The following LYPD6 variants were observed in gnomAD, a reference collection of about 807,000 sequenced individuals.
LYPD6 encodes the protein ly6/PLAUR domain-containing protein 6.
A neutral mutation model predicts 22.7 loss-of-function variants in LYPD6; 15 were observed. The observed-to-expected ratio is 0.66, with a 90% CI of 0.44 to 1.02. The LOEUF (loss-of-function observed/expected upper bound fraction) is 1.02, where lower values mean the gene tolerates loss of function less well. Ranked by LOEUF, LYPD6 falls within the 50% of genes least tolerant of loss-of-function variation. LYPD6 has a pLI of 0.00. For missense variants in LYPD6, 189 were observed against 208.4 expected (o/e 0.91, Z 0.57); for synonymous variants, 72 against 77.5 (o/e 0.93, Z 0.37).
At position 149,379,245 on chromosome 2, in the gene LYPD6, G is replaced by A. The variant is rs1185531178; in HGVS notation, c.-72+48523G>A. 5.9e-5 allele frequency among the ~76,000 whole-genome samples: 9 copies of A among 152,080 alleles called. No homozygotes were observed. The East Asian group carries it at 1.7e-3, about 29-fold the overall frequency. The stretch of plus-strand genomic sequence containing the variant: ...AGCAGCTTTAAATTGGGAGTTAGGA[G>A]AACTGGAAGACTTGAGTCCAAGAGG... On this transcript the variant is annotated intron_variant, in intron 1 of 4. Transcript: ENST00000334166.
chr2:149,403,524 GTCT>G (rs1191227195), intron 1 of LYPD6, among the ~76,000 whole-genome samples: 3 of 144,250 alleles, frequency 2.1e-5, no homozygotes, highest in Non-Finnish European at 1.5e-5. Flanking sequence ...CTGCATAAAT[GTCT>G]TCTTTTGAGA....
intron 1 of LYPD6, among the ~76,000 whole-genome samples, chr2:149,425,595 T>C (rs1168051970): frequency 6.6e-6 from 1 of 152,248 alleles, no homozygotes; most frequent in African/African-American, 2.4e-5. Flanking sequence ...ATAACCCCTG[T>C]ATCCTTTTCT....
intron 3 of LYPD6, among the ~76,000 whole-genome samples, chr2:149,454,572 C>T (rs764575418): frequency 5.9e-5 from 9 of 152,146 alleles, no homozygotes; most frequent in East Asian, 5.8e-4. Flanking sequence ...TCTTGTGGTA[C>T]GTGTTCATAT....
chr2:149,401,445 C>T (rs1257393931), intron 1 of LYPD6, among the ~76,000 whole-genome samples: 1 of 152,240 alleles, frequency 6.6e-6, no homozygotes, highest in East Asian at 1.9e-4. Flanking sequence ...GATTTCTGCT[C>T]ATCTGGAAGG....
intron 1 of LYPD6, among the ~76,000 whole-genome samples, chr2:149,340,099 A>G (rs1424065689): frequency 1.3e-5 from 2 of 152,206 alleles, no homozygotes; most frequent in Non-Finnish European, 2.9e-5. Context: ...AGTATATTTA[A>G]GCATTCCAGG....
chr2:149,485,823 C>T, the LYPD6 span, among the ~76,000 whole-genome samples: 1 of 152,138 alleles, frequency 6.6e-6, no homozygotes, highest in Admixed American at 6.6e-5. Flanking sequence ...CATTAAAACA[C>T]AAAATGTACA....
intron 2 of LYPD6, among the ~76,000 whole-genome samples, chr2:149,446,102 G>A (rs1683681189): frequency 6.6e-6 from 1 of 152,164 alleles, no homozygotes; most frequent in African/African-American, 2.4e-5. Context: ...GGGAGAGAGA[G>A]AGAGATGGAA....
At chr2:149,333,192 A>G (rs1301108421) in intron 1 of LYPD6, among the ~76,000 whole-genome samples, 1 of 152,222 alleles carries the variant, frequency 6.6e-6, no homozygotes, top group Non-Finnish European at 1.5e-5. Flanking sequence ...TGAAATCCTC[A>G]TTGACTAGTG....
chr2:149,447,596 C>T (rs1453638297), intron 2 of LYPD6, among the ~76,000 whole-genome samples: 1 of 152,192 alleles, frequency 6.6e-6, no homozygotes, highest in African/African-American at 2.4e-5. Context: ...TTACCATCTC[C>T]AGGGGTTCAT....
At chr2:149,437,101 C>A (rs1683449103) in intron 1 of LYPD6, among the ~76,000 whole-genome samples, 1 of 152,170 alleles carries the variant, frequency 6.6e-6, no homozygotes, top group South Asian at 2.1e-4. Flanking sequence ...AGTACCTGGC[C>A]AACAAATATT....
chr2:149,381,181 G>A (rs1249698138), intron 1 of LYPD6, among the ~76,000 whole-genome samples: 1 of 152,166 alleles, frequency 6.6e-6, no homozygotes, highest in Non-Finnish European at 1.5e-5. Context: ...ACTGCAAAAG[G>A]AAGAGAAGAA....
chr2:149,368,794 A>G (rs1347504003), intron 1 of LYPD6, among the ~76,000 whole-genome samples: 2 of 152,152 alleles, frequency 1.3e-5, no homozygotes, highest in Admixed American at 1.3e-4. Context: ...TTGAGATCCT[A>G]AAGATGCAGA....
intron 2 of LYPD6, among the ~76,000 whole-genome samples, chr2:149,441,131 A>G (rs936385872): frequency 6.6e-6 from 1 of 152,228 alleles, no homozygotes; most frequent in South Asian, 2.1e-4. Context: ...GCACTAGACC[A>G]TATTAAGCTG....
downstream of LYPD6, among the ~76,000 whole-genome samples, chr2:149,478,194 G>A (rs1372176669): frequency 6.6e-6 from 1 of 152,104 alleles, no homozygotes; most frequent in Non-Finnish European, 1.5e-5. Context: ...CAGTGGGACA[G>A]CAAGGGCTTC....
the LYPD6 span, among the ~76,000 whole-genome samples, chr2:149,483,245 C>A: frequency 1.3e-5 from 2 of 152,184 alleles, no homozygotes; most frequent in Non-Finnish European, 1.5e-5. Context: ...AAACCTTTGA[C>A]CAGGGAACTT....
At chr2:149,377,793 ACCCCCC>A (rs1681961952) in intron 1 of LYPD6, among the ~76,000 whole-genome samples, 3 of 37,024 alleles carry the variant, frequency 8.1e-5, no homozygotes, top group Admixed American at 2.4e-4. Flanking sequence ...CCCCCCCCCC[ACCCCCC>A]CAAAAAAGCA....
At chr2:149,467,709 G>A (rs762398586) in intron 3 of LYPD6, among the ~76,000 whole-genome samples, 2 of 152,082 alleles carry the variant, frequency 1.3e-5, no homozygotes, top group Non-Finnish European at 2.9e-5. Context: ...AAAACAGCTC[G>A]GTGACATTTC....
chr2:149,467,582 G>T (rs920849694), intron 3 of LYPD6, among the ~76,000 whole-genome samples: 20 of 152,144 alleles, frequency 1.3e-4, no homozygotes, highest in African/African-American at 4.8e-4. Flanking sequence ...TGGTGGGGGA[G>T]AGGGGAGGAA....
chr2:149,476,070 C>T (rs1288432920), downstream of LYPD6, among the ~76,000 whole-genome samples: 2 of 152,154 alleles, frequency 1.3e-5, no homozygotes, highest in African/African-American at 4.8e-5. Context: ...GAGAAAAGAA[C>T]CCTGGAGAAC....
Sources: gnomAD v4.1 joint callset for allele counts (sites outside exome capture counted in the v4.1 genomes callset) on GRCh38, gnomAD v4.1.1 for gene constraint, MANE v1.5 for transcripts, NCBI Gene and HGNC (gene_info 2026-07-23, HGNC 2026-07-21) for gene names.